HHLA1: variants seen among roughly 807,000 people sequenced by gnomAD.
The protein encoded by HHLA1 is HHLA1 neighbor of OC90, also known as HERV-H LTR-associating protein 1.
In HHLA1, 72 loss-of-function variants were observed where a neutral mutation model predicts 69.9. The observed-to-expected ratio is 1.03, with a 90% CI of 0.85 to 1.25. HHLA1 has a LOEUF of 1.25. Ranked by LOEUF, HHLA1 falls within the 50% of genes most tolerant of loss-of-function variation. The probability of loss-of-function intolerance (pLI) is 0.00; values close to 1 mark genes in which losing one functional copy is unlikely to be tolerated. For missense variants in HHLA1, 685 were observed against 642.2 expected (o/e 1.07, Z -0.72); for synonymous variants, 252 against 233.2 (o/e 1.08, Z -0.73).
rs1823874098 is a variant in HHLA1, at chr8:132,086,913, G to A, written c.676+740C>T. On this transcript the variant is annotated intron_variant, in intron 10 of 16. Coordinates refer to ENST00000414222, the MANE Select transcript of HHLA1 (RefSeq NM_001145095.3). ...GAAAGTAATGAAGAGCCCACTATGT[G>A]CAAGGCACCAAGGGGAAGGCAGGCT... Among the ~76,000 whole-genome samples, 3 of 152,220 alleles carry A rather than the reference G, an allele frequency of 2.0e-5. No homozygotes were observed. The South Asian group carries it at 6.2e-4, about 31-fold the overall frequency.
At chr8:132,108,341 TAAGAA>T (rs1824240041) in intron 1 of HHLA1, among the ~76,000 whole-genome samples, 2 of 152,064 alleles carry the variant, frequency 1.3e-5, no homozygotes, top group Admixed American at 6.6e-5. Context: ...ATAATGAAAA[TAAGAA>T]AAGATGTTGG....
At chr8:132,087,610 G>T in intron 10 of HHLA1, 43 bp downstream of exon 10, 1 of 1,327,184 alleles carries the variant, frequency 7.5e-7, no homozygotes. Context: ...TGGGACCCTG[G>T]TCTGGAGAGT....
intron 7 of HHLA1, among the ~76,000 whole-genome samples, chr8:132,093,831 T>G (rs973248971): frequency 1.3e-5 from 2 of 152,216 alleles, no homozygotes; most frequent in Admixed American, 1.3e-4. Flanking sequence ...AAGGCATGAT[T>G]ATGAAGAATT....
intron 3 of HHLA1, among the ~76,000 whole-genome samples, chr8:132,102,162 C>T (rs1824120454): frequency 6.6e-6 from 1 of 152,230 alleles, no homozygotes; most frequent in Non-Finnish European, 1.5e-5. Flanking sequence ...CATGTTATTG[C>T]ATATGGCACC....
rs1179911839 is a variant in HHLA1, at chr8:132,087,851, T to G, written c.583A>C (p.Lys195Gln). The change falls in exon 9 of 17, where the codon AAG becomes CAG. Residue 195 changes from lysine (K) to glutamine (Q), a missense_variant. Coordinates refer to ENST00000414222, the MANE Select transcript of HHLA1 (RefSeq NM_001145095.3). ...DCIFICVMTG[K>Q]SGRNLSDFWE... is the part of the protein sequence containing the mutation. ...AGAATGTCTAGTGGTTTACCTGACT[T>G]TCCTGTCATCACACAGATGAAGATG... 4.5e-6 allele frequency: 7 copies of G among 1,551,572 alleles called. No individual in the cohort carries two copies. The South Asian group carries it at 8.3e-5, about 18-fold the overall frequency.
rs186360200 is a variant in HHLA1 at position 132,079,119 on chromosome 8, C to A, written c.925+599G>T. ...AAATAGGAAAAATAAGATAAGCATGCCTTTTGTGTCTTTAGTGATGACACT... is the reference window on the plus strand; with the variant it reads ...AAATAGGAAAAATAAGATAAGCATGACTTTTGTGTCTTTAGTGATGACACT... On this transcript the variant is annotated intron_variant, in intron 11 of 16. Coordinates refer to ENST00000414222, the MANE Select transcript of HHLA1 (RefSeq NM_001145095.3). Among the ~76,000 whole-genome samples, 663 of 152,282 alleles carry A rather than the reference C, an allele frequency of 4.4e-3. 7 individuals carry two copies. The highest frequency in any genetic ancestry group is 0.015 in the African/African-American group (642 of 41,546).
intron 15 of HHLA1, chr8:132,069,866 A>C (rs1313729836): frequency 6.5e-6 from 1 of 152,870 alleles, no homozygotes; most frequent in Non-Finnish European, 1.5e-5. Flanking sequence ...TGGTTAAGTT[A>C]ATGAGTAAAG....
Position 132,062,253 on chromosome 8 carries a change from A to G in HHLA1, c.*1742T>C, listed in dbSNP as rs1003837497. The G allele has an allele frequency of 1.3e-5, 2 of 152,224 alleles. No homozygotes were observed. The highest frequency in any genetic ancestry group is 4.8e-5 in the African/African-American group (2 of 41,452). The allele number at this position is 152,224 out of a possible 1,614,324, so 9.4% of individuals were successfully genotyped here. A position where few individuals can be genotyped will look rare whatever the true frequency, so the allele number is the denominator to read the frequency against. ...GATAATATACATTTATGAGCTTGACATTTGCATAACTTGGAGAGTCTTTCA... is the reference window on the plus strand; with the variant it reads ...GATAATATACATTTATGAGCTTGACGTTTGCATAACTTGGAGAGTCTTTCA... On this transcript the variant is annotated 3_prime_UTR_variant, in exon 17 of 17. Coordinates refer to ENST00000414222, the MANE Select transcript of HHLA1 (RefSeq NM_001145095.3).
chr8:132,070,024 GAGGGGGA>G (rs1823506197), intron 15 of HHLA1: 3 of 13,744 alleles, frequency 2.2e-4, no homozygotes, highest in African/African-American at 1.1e-3. Flanking sequence ...GGGGGGGGGG[GAGGGGGA>G]TGAAAGATTA....
intron 14 of HHLA1, among the ~76,000 whole-genome samples, chr8:132,072,849 T>A (rs1823571190): frequency 6.6e-6 from 1 of 152,112 alleles, no homozygotes; most frequent in South Asian, 2.1e-4. Flanking sequence ...ATTATTTCTG[T>A]CCATAGCAAT....
At chr8:132,083,496 A>T (rs1187007456) in intron 10 of HHLA1, among the ~76,000 whole-genome samples, 2 of 152,154 alleles carry the variant, frequency 1.3e-5, no homozygotes, top group African/African-American at 4.8e-5. Context: ...GGGCAGTGTC[A>T]GTCTTCAGCC....
chr8:132,071,286 G>T, intron 15 of HHLA1, 54 bp downstream of exon 15: 2 of 1,493,842 alleles, frequency 1.3e-6, no homozygotes, highest in Non-Finnish European at 1.8e-6. Context: ...AAGCCACACG[G>T]AATAAGAAAG....
intron 10 of HHLA1, among the ~76,000 whole-genome samples, chr8:132,087,397 C>A (rs892035740): frequency 1.3e-5 from 2 of 152,076 alleles, no homozygotes; most frequent in African/African-American, 4.8e-5. Context: ...AAAAGGTGCC[C>A]TTCCTAGTGG....
At chr8:132,084,141 A>G (rs1046331309) in intron 10 of HHLA1, among the ~76,000 whole-genome samples, 5 of 152,182 alleles carry the variant, frequency 3.3e-5, no homozygotes, top group Admixed American at 2.0e-4. Flanking sequence ...CACCTTTTTA[A>G]GAGTAAATTG....
intron 3 of HHLA1, chr8:132,101,195 C>A (rs928509280): frequency 6.5e-7 from 1 of 1,549,280 alleles, no homozygotes; most frequent in African/African-American, 1.4e-5. Context: ...ATGTGCCCTG[C>A]ATTACAGAGT....
chr8:132,080,023 A>G (rs193023467), intron 10 of HHLA1, 57 bp from the exon 11 acceptor site: 1 of 1,547,390 alleles, frequency 6.5e-7, no homozygotes, highest in African/African-American at 1.4e-5. Flanking sequence ...GGCATAAAAA[A>G]ACTGAAAGGT....
At chr8:132,098,477 T>C (rs1563748758) in intron 5 of HHLA1, among the ~76,000 whole-genome samples, 1 of 152,176 alleles carries the variant, frequency 6.6e-6, no homozygotes, top group Non-Finnish European at 1.5e-5. Flanking sequence ...GTTTTTGTTT[T>C]TTGAGGCAAA....
At chr8:132,083,624 C>T (rs1049816964) in intron 10 of HHLA1, among the ~76,000 whole-genome samples, 2 of 152,148 alleles carry the variant, frequency 1.3e-5, no homozygotes, top group African/African-American at 4.8e-5. Flanking sequence ...GGGTCCCACA[C>T]AGATGGGACG....
intron 15 of HHLA1, among the ~76,000 whole-genome samples, chr8:132,066,607 T>C (rs1424908076): frequency 1.3e-5 from 2 of 152,224 alleles, no homozygotes; most frequent in African/African-American, 2.4e-5. Flanking sequence ...ACTCTGGGAA[T>C]TCACTTCTCT....
Sources: gnomAD v4.1 joint callset for allele counts (sites outside exome capture counted in the v4.1 genomes callset) on GRCh38, gnomAD v4.1.1 for gene constraint, MANE v1.5 for transcripts, NCBI Gene and HGNC (gene_info 2026-07-23, HGNC 2026-07-21) for gene names.